Variants in FAM110B observed in about 807,000 individuals in gnomAD.
FAM110B encodes the protein family with sequence similarity 110 member B.
FAM110B carries 6 observed loss-of-function variants against 20.4 expected under a neutral mutation model. That is an observed-to-expected ratio of 0.29 (90% CI 0.16 to 0.58). FAM110B has a LOEUF of 0.58. FAM110B is among the 20% of genes least tolerant of loss of function. The probability of loss-of-function intolerance (pLI) is 0.90; values close to 1 mark genes in which losing one functional copy is unlikely to be tolerated. For missense variants in FAM110B, 434 were observed against 498.2 expected, an observed-to-expected ratio of 0.87 and a Z score of 1.23; for synonymous variants, 226 against 214.1, an observed-to-expected ratio of 1.06 and a Z score of -0.49.
intron 1 of FAM110B, among the ~76,000 whole-genome samples, chr8:58,000,624 A>T (rs903997615): frequency 6.6e-6 from 1 of 152,186 alleles, no homozygotes; most frequent in African/African-American, 2.4e-5. Flanking sequence ...GTGCCCAGAC[A>T]TGTTAGTCAG....
intron 2 of FAM110B, among the ~76,000 whole-genome samples, chr8:58,049,467 AATT>A (rs1158853221): frequency 6.6e-6 from 1 of 152,008 alleles, no homozygotes; most frequent in Non-Finnish European, 1.5e-5. Context: ...GAACTGCCCT[AATT>A]AGGTCAGATG....
At chr8:58,138,799 C>T (rs182206606) in intron 3 of FAM110B, among the ~76,000 whole-genome samples, 20 of 152,330 alleles carry the variant, frequency 1.3e-4, no homozygotes, top group African/African-American at 2.2e-4. Flanking sequence ...TTGATCAACA[C>T]GCCTGTGTGA....
intron 3 of FAM110B, among the ~76,000 whole-genome samples, chr8:58,117,321 C>T (rs1209531807): frequency 1.3e-5 from 2 of 152,148 alleles, no homozygotes; most frequent in Admixed American, 1.3e-4. Flanking sequence ...GACCCATGAA[C>T]CAGTATTCGA....
intron 1 of FAM110B, among the ~76,000 whole-genome samples, chr8:58,004,650 C>T (rs1050584436): frequency 3.9e-5 from 6 of 152,246 alleles, no homozygotes; most frequent in African/African-American, 2.4e-5. Flanking sequence ...GAGGCTGAGG[C>T]AGGAGAATTG....
chr8:58,118,339 T>A (rs17175965), intron 3 of FAM110B, among the ~76,000 whole-genome samples: 20,253 of 152,242 alleles, frequency 0.13, 1,419 homozygotes, highest in Middle Eastern at 0.19. Flanking sequence ...CAGAAAGCTC[T>A]GCAGATTTAC....
chr8:58,077,775 C>T (rs1459932043), intron 3 of FAM110B, among the ~76,000 whole-genome samples: 2 of 152,222 alleles, frequency 1.3e-5, no homozygotes, highest in African/African-American at 4.8e-5. Flanking sequence ...CTGGCTTGAG[C>T]TTTATCAGTA....
intron 3 of FAM110B, among the ~76,000 whole-genome samples, chr8:58,110,288 A>G (rs1359099610): frequency 6.6e-6 from 1 of 152,218 alleles, no homozygotes; most frequent in East Asian, 1.9e-4. Context: ...AAGTACTACT[A>G]AATGCTATGA....
chr8:58,074,663 G>C (rs1805988183), intron 2 of FAM110B, among the ~76,000 whole-genome samples: 1 of 152,216 alleles, frequency 6.6e-6, no homozygotes, highest in South Asian at 2.1e-4. Context: ...GCCAGTACCT[G>C]TTGAATGAAT....
intron 3 of FAM110B, among the ~76,000 whole-genome samples, chr8:58,096,006 T>G (rs2150606806): frequency 1.3e-5 from 2 of 152,334 alleles, no homozygotes; most frequent in South Asian, 4.1e-4. Flanking sequence ...GCCTTCTTTG[T>G]CTCTTTTGAT....
At chr8:57,996,268 G>T (rs1804183886) in intron 1 of FAM110B, among the ~76,000 whole-genome samples, 1 of 152,142 alleles carries the variant, frequency 6.6e-6, no homozygotes, top group African/African-American at 2.4e-5. Context: ...TGCCTTGTTA[G>T]CCTGACATAA....
chr8:58,006,509 T>C (rs1284969722), intron 1 of FAM110B, among the ~76,000 whole-genome samples: 1 of 151,952 alleles, frequency 6.6e-6, no homozygotes, highest in Non-Finnish European at 1.5e-5. Flanking sequence ...TATCTAGACC[T>C]CCTAGGGTAA....
At chr8:58,082,950 A>T (rs1337797446) in intron 3 of FAM110B, among the ~76,000 whole-genome samples, 1 of 150,096 alleles carries the variant, frequency 6.7e-6, no homozygotes, top group Non-Finnish European at 1.5e-5. Flanking sequence ...TTGTGGCTTC[A>T]GTGAGCTATG....
intron 1 of FAM110B, among the ~76,000 whole-genome samples, chr8:58,027,231 A>G (rs903095860): frequency 3.3e-5 from 5 of 152,228 alleles, no homozygotes; most frequent in Non-Finnish European, 7.3e-5. Context: ...TTGTAGAACA[A>G]TGGAATAATT....
At chr8:58,093,592 G>C (rs182768477) in intron 3 of FAM110B, among the ~76,000 whole-genome samples, 55 of 152,258 alleles carry the variant, frequency 3.6e-4, no homozygotes, top group African/African-American at 1.3e-3. Context: ...CCTGTGTTCT[G>C]TTCCATTGGT....
chr8:58,045,175 G>A (rs1471437595), intron 2 of FAM110B, among the ~76,000 whole-genome samples: 3 of 152,154 alleles, frequency 2.0e-5, no homozygotes, highest in African/African-American at 4.8e-5. Context: ...TTCATGTGGA[G>A]TTCAGAGCAC....
At chr8:58,087,603 T>C (rs915869201) in intron 3 of FAM110B, among the ~76,000 whole-genome samples, 11 of 152,144 alleles carry the variant, frequency 7.2e-5, no homozygotes, top group African/African-American at 2.7e-4. Flanking sequence ...TGGGGCCATC[T>C]CCTCATTGGC....
At chr8:58,046,673 C>A (rs1380212899) in intron 2 of FAM110B, among the ~76,000 whole-genome samples, 1 of 152,198 alleles carries the variant, frequency 6.6e-6, no homozygotes. Flanking sequence ...ATCAATGTAT[C>A]CCTCTTACCA....
At chr8:58,076,055 T>G (rs1806029676) in intron 3 of FAM110B, among the ~76,000 whole-genome samples, 1 of 152,050 alleles carries the variant, frequency 6.6e-6, no homozygotes, top group African/African-American at 2.4e-5. Flanking sequence ...ACTCCTGGGG[T>G]CAAGTGATCC....
intron 3 of FAM110B, among the ~76,000 whole-genome samples, chr8:58,133,507 C>CAAGA (rs1803538290): frequency 1.3e-5 from 2 of 152,254 alleles, no homozygotes; most frequent in South Asian, 4.1e-4. Flanking sequence ...GACTGTAAGG[C>CAAGA]AAGAGCCCAG....
Sources: gnomAD v4.1 joint callset for allele counts (sites outside exome capture counted in the v4.1 genomes callset) on GRCh38, gnomAD v4.1.1 for gene constraint, MANE v1.5 for transcripts, NCBI Gene and HGNC (gene_info 2026-07-23, HGNC 2026-07-21) for gene names.